CUBN: variants seen among roughly 807,000 people sequenced by gnomAD.
CUBN encodes 460 kDa receptor.
CUBN carries 282 observed loss-of-function variants against 405.3 expected under a neutral mutation model. The observed-to-expected ratio is 0.70, with a 90% CI of 0.63 to 0.77. CUBN has a LOEUF of 0.77. Among genes scored for constraint, CUBN ranks in the 30% least tolerant of loss-of-function variants. The pLI is 0.00. For synonymous variants in CUBN, 1,684 were observed against 1,617.0 expected, an observed-to-expected ratio of 1.04 and a Z score of -0.99; for missense variants, 4,514 against 4,475.2, an observed-to-expected ratio of 1.01 and a Z score of -0.25.
At chr10:17,098,610 A>G (rs1481288574) in intron 14 of CUBN, among the ~76,000 whole-genome samples, 1 of 152,202 alleles carries the variant, frequency 6.6e-6, no homozygotes, top group African/African-American at 2.4e-5. Context: ...ATAGTTACAA[A>G]GACTGGAAAG....
chr10:16,868,522 G>A (rs1474904218), intron 59 of CUBN, among the ~76,000 whole-genome samples: 1 of 152,132 alleles, frequency 6.6e-6, no homozygotes, highest in African/African-American at 2.4e-5. Context: ...ATATTCAAAA[G>A]GAAAAGGATC....
chr10:17,010,523 C>T (rs1383474289), intron 28 of CUBN, among the ~76,000 whole-genome samples: 2 of 152,028 alleles, frequency 1.3e-5, no homozygotes, highest in Non-Finnish European at 2.9e-5. Flanking sequence ...CCTGTAGTCT[C>T]AGCTACTCAA....
At chr10:16,881,199 G>A (rs1458975214) in intron 56 of CUBN, among the ~76,000 whole-genome samples, 1 of 152,148 alleles carries the variant, frequency 6.6e-6, no homozygotes, top group Non-Finnish European at 1.5e-5. Flanking sequence ...TTGAAATCTT[G>A]GTCCCACATT....
intron 15 of CUBN, among the ~76,000 whole-genome samples, chr10:17,087,492 T>TTTTTTTTTTTTTTTTTTTTTTG (rs1836146219): frequency 7.0e-6 from 1 of 143,298 alleles, no homozygotes; most frequent in African/African-American, 2.6e-5. Context: ...TTTTTTTTTT[T>TTTTTTTTTTTTTTTTTTTTTTG]TTAGACAGAG....
At chr10:17,079,050 C>A (rs779431138) in intron 17 of CUBN, among the ~76,000 whole-genome samples, 1 of 152,014 alleles carries the variant, frequency 6.6e-6, no homozygotes, top group Non-Finnish European at 1.5e-5. Context: ...TCCTGCCTCC[C>A]ACTACTCCAA....
At chr10:16,928,804 C>T (rs1842284542) in intron 40 of CUBN, among the ~76,000 whole-genome samples, 1 of 151,942 alleles carries the variant, frequency 6.6e-6, no homozygotes. Context: ...GTGCTGGGTT[C>T]TTTACCCTTT....
In CUBN at chr10:16,970,561, A is replaced by G. The variant is rs538867070; in HGVS notation, c.4695+11923T>C. Among the ~76,000 whole-genome samples, 28 of 143,802 alleles carry G rather than the reference A, an allele frequency of 1.9e-4. No homozygotes were observed. In the East Asian group the frequency reaches 5.0e-3, roughly 26 times the overall value. The allele number at this position is 143,802 out of a possible 152,430, so 94.3% of individuals were successfully genotyped here. ...TTTGCACTCCAGCCTGGGCAACAAG[A>G]GTGAAACTCCATCTCAAAAAAAAAA... On this transcript the variant is annotated intron_variant, in intron 31 of 66. Coordinates refer to ENST00000377833, the MANE Select transcript of CUBN (RefSeq NM_001081.4).
At position 16,990,532 on chromosome 10, in the gene CUBN, G is replaced by T. The variant is rs1245220879; in HGVS notation, c.4169-17C>A. On this transcript the variant is annotated splice_polypyrimidine_tract_variant and intron_variant, in intron 28 of 66. Transcript: ENST00000377833. ...CACCACAACCTGTTAAAACAGAAAG[G>T]TTCAGTCAGTTCAAAGTGGGCAACA... is the stretch of plus-strand genomic sequence containing the variant. The T allele has an allele frequency of 1.4e-5, 22 of 1,613,128 alleles. No individual in the cohort carries two copies. The highest frequency in any genetic ancestry group is 1.0e-4 in the Admixed American group (6 of 59,990).
chr10:16,826,376 T>C (rs1442493593), intron 66 of CUBN, among the ~76,000 whole-genome samples: 1 of 152,188 alleles, frequency 6.6e-6, no homozygotes, highest in Non-Finnish European at 1.5e-5. Context: ...TGTATGTAAT[T>C]ATGCATGTAA....
chr10:16,919,884 G>C, intron 44 of CUBN, 79 bp downstream of exon 44: 1 of 1,441,242 alleles, frequency 6.9e-7, no homozygotes, highest in Non-Finnish European at 9.7e-7. Context: ...GCTACTGAAA[G>C]AAATGGACTG....
intron 10 of CUBN, among the ~76,000 whole-genome samples, chr10:17,108,381 ATGTGTG>A (rs34953406): frequency 0.34 from 50,736 of 150,702 alleles, 8,763 homozygotes; most frequent in African/African-American, 0.38. Flanking sequence ...TCACAAGTAT[ATGTGTG>A]TGTGTGTGTG....
Position 16,876,985 on chromosome 10 carries a change from G to C in CUBN, c.9018C>G (p.Pro3006=), listed in dbSNP as rs1840524411. 6.2e-7 allele frequency: 1 copy of C among 1,613,980 alleles called. No homozygotes were observed. ...GCAGAACCGGCCCAGCGATGGTGAG[G>C]GGAGCTGGCATCTCATCCCCACACA... ...ATVCGDEMPA[P]LTIAGPVLLN... is the part of the protein sequence containing the mutation. The change falls in exon 57 of 67, where the codon CCC becomes CCG. Residue 3006 remains proline (P), a synonymous_variant. Transcript: ENST00000377833.
At chr10:17,075,073 C>CTTTTTTTTTTTTTTTTTTTTTTTTTTTT in intron 17 of CUBN, among the ~76,000 whole-genome samples, 1 of 65,328 alleles carries the variant, frequency 1.5e-5, no homozygotes, top group Non-Finnish European at 2.9e-5. Flanking sequence ...TCTTTGTTTT[C>CTTTTTTTTTTTTTTTTTTTTTTTTTTTT]TTTTTTTTTT....
intron 13 of CUBN, among the ~76,000 whole-genome samples, chr10:17,101,446 G>A (rs1381783802): frequency 6.6e-6 from 1 of 152,032 alleles, no homozygotes; most frequent in Non-Finnish European, 1.5e-5. Flanking sequence ...ATTTATTTTG[G>A]AGTTTATTTT....
intron 59 of CUBN, among the ~76,000 whole-genome samples, chr10:16,864,948 CTTTTTTTTTTTTTTTTTT>C (rs35045969): frequency 2.0e-5 from 1 of 50,024 alleles, no homozygotes; most frequent in Admixed American, 2.9e-4. Flanking sequence ...CCATGCCCAG[CTTTTTTTTTTTTTTTTTT>C]TTTTTTTTTT....
intron 22 of CUBN, among the ~76,000 whole-genome samples, chr10:17,063,256 A>G (rs1348718198): frequency 1.3e-5 from 2 of 152,172 alleles, no homozygotes; most frequent in East Asian, 3.9e-4. Flanking sequence ...TCTGATTGCT[A>G]TTTAGAATGG....
intron 36 of CUBN, among the ~76,000 whole-genome samples, chr10:16,941,950 T>G (rs536422780): frequency 2.0e-5 from 3 of 152,052 alleles, no homozygotes; most frequent in African/African-American, 7.2e-5. Flanking sequence ...AGTTGAAATA[T>G]AAAAGGAATT....
At chr10:16,886,592 A>G (rs1024569292) in intron 56 of CUBN, among the ~76,000 whole-genome samples, 2 of 152,122 alleles carry the variant, frequency 1.3e-5, no homozygotes, top group Non-Finnish European at 2.9e-5. Context: ...TTGTCAGTCA[A>G]AGCCCAGCCC....
At chr10:16,837,875 T>C (rs1839221017) in intron 62 of CUBN, among the ~76,000 whole-genome samples, 1 of 152,188 alleles carries the variant, frequency 6.6e-6, no homozygotes, top group Admixed American at 6.5e-5. Flanking sequence ...TCGAGGCTGC[T>C]CCAGCTGCTG....
Sources: gnomAD v4.1 joint callset for allele counts (sites outside exome capture counted in the v4.1 genomes callset) on GRCh38, gnomAD v4.1.1 for gene constraint, MANE v1.5 for transcripts, NCBI Gene and HGNC (gene_info 2026-07-23, HGNC 2026-07-21) for gene names.